The following TRIM22 variants were observed in gnomAD, a reference collection of about 807,000 sequenced individuals.
TRIM22 encodes the protein tripartite motif containing 22, also known as E3 ubiquitin-protein ligase TRIM22.
Under a neutral mutation model 53.6 loss-of-function variants are expected in TRIM22, and 45 were observed. That is an observed-to-expected ratio of 0.84 (90% CI 0.66 to 1.08). The LOEUF (loss-of-function observed/expected upper bound fraction) is 1.08. Among genes scored for constraint, TRIM22 ranks in the 50% least tolerant of loss-of-function variants. TRIM22 has a pLI of 0.00. For synonymous variants in TRIM22, 225 were observed against 216.6 expected (o/e 1.04, Z -0.34); for missense variants, 616 against 590.9 (o/e 1.04, Z -0.44).
At chr11:5,708,983 T>A in intron 7 of TRIM22, 70 bp from the exon 8 acceptor site, 1 of 1,212,922 alleles carries the variant, frequency 8.2e-7, no homozygotes, top group South Asian at 1.4e-5. Flanking sequence ...ATTTTCAATA[T>A]GTCTCTTCTC....
At chr11:5,691,875 G>A (rs1308881795) in intron 1 of TRIM22, among the ~76,000 whole-genome samples, 7 of 151,758 alleles carry the variant, frequency 4.6e-5, no homozygotes, top group East Asian at 1.9e-4. Context: ...TGTCTGTACC[G>A]CACATCTTGT....
intron 4 of TRIM22, among the ~76,000 whole-genome samples, chr11:5,699,353 T>C (rs1212275725): frequency 7.3e-6 from 1 of 137,382 alleles, no homozygotes; most frequent in Non-Finnish European, 1.5e-5. Flanking sequence ...TGAAACCCCG[T>C]CTCTACTAAA....
intron 5 of TRIM22, among the ~76,000 whole-genome samples, 177 bp downstream of exon 5, chr11:5,706,793 T>C (rs1019369215): frequency 6.6e-5 from 10 of 152,224 alleles, no homozygotes; most frequent in African/African-American, 1.9e-4. Context: ...AATTTTGGTG[T>C]TGGGAGATCA....
intron 2 of TRIM22, chr11:5,696,956 G>C (rs1853274601): frequency 2.0e-6 from 1 of 502,396 alleles, no homozygotes; most frequent in Non-Finnish European, 3.5e-6. Flanking sequence ...CGTCTGGTTA[G>C]ATGTGGGAAG....
rs1390710489 is a variant in TRIM22 at position 5,700,719 on chromosome 11, C to G, written c.750+2174C>G. ...GCACGATTTCGGCTCACTGCAAACT[C>G]TGCCTCCCGGGTTCAAGCGATTCTC... On this transcript the variant is annotated intron_variant, in intron 4 of 7. Coordinates refer to ENST00000379965, the MANE Select transcript of TRIM22 (RefSeq NM_006074.5). Among the ~76,000 whole-genome samples the G allele has an allele frequency of 1.1e-4, 17 of 150,308 alleles. No homozygotes were observed. The Admixed American group carries it at 1.1e-3, about 10-fold the overall frequency.
intron 1 of TRIM22, among the ~76,000 whole-genome samples, chr11:5,692,876 CTTTT>C (rs376485434): frequency 1.5e-5 from 2 of 132,918 alleles, no homozygotes; most frequent in Non-Finnish European, 3.1e-5. Context: ...TTAATTTAAT[CTTTT>C]TTTTTTTTTT....
In TRIM22 at chr11:5,709,359, C is replaced by G. The variant is rs1173249948; in HGVS notation, c.1208C>G (p.Pro403Arg). ...TCAAAAGTTTACTCCAGATATAGAC[C>G]TCAATATGGCTACTGGGTTATAGGA... Reference protein sequence around the residue: ...NYSKVYSRYRPQYGYWVIGLQ... With the variant: ...NYSKVYSRYRRQYGYWVIGLQ... Residue 403 changes from proline (P) to arginine (R), a missense_variant, in exon 8 of 8, where the codon CCT becomes CGT. By Grantham distance (103) the Pro-to-Arg change is moderately radical. Coordinates refer to ENST00000379965, the MANE Select transcript of TRIM22 (RefSeq NM_006074.5). The G allele has an allele frequency of 6.2e-7, 1 of 1,614,082 alleles. No homozygotes were observed. The highest frequency in any genetic ancestry group is 8.5e-7 in the Non-Finnish European group (1 of 1,180,032).
chr11:5,703,542 C>T (rs1423896201), intron 4 of TRIM22, among the ~76,000 whole-genome samples: 15 of 151,950 alleles, frequency 9.9e-5, no homozygotes, highest in African/African-American at 3.6e-4. Flanking sequence ...CCTGCAACCA[C>T]GCCCGGCTAA....
Position 5,709,847 on chromosome 11 carries a change from T to C in TRIM22, c.*199T>C, listed in dbSNP as rs1463565182. The C allele has an allele frequency of 3.5e-6, 2 of 571,446 alleles. No homozygotes were observed. Among genetic ancestry groups the C allele is most frequent in the Non-Finnish European group, 6.1e-6 (2 of 329,400 alleles). 35.4% of individuals were successfully genotyped at this position (571,446 alleles called of 1,614,324 possible). On this transcript the variant is annotated 3_prime_UTR_variant, in exon 8 of 8. Transcript: ENST00000379965. ...GATTTAAACTGTAATTGTATTGCCG[T>C]ACTGTGGGCTGGAAATCCCAAATCT...
chr11:5,693,721 C>CAAAAAAA, intron 1 of TRIM22, among the ~76,000 whole-genome samples: 133 of 87,332 alleles, frequency 1.5e-3, no homozygotes, highest in Middle Eastern at 7.6e-3. Flanking sequence ...GACTCCGTCT[C>CAAAAAAA]AAAAAAAAAA....
rs888997404 is a variant in TRIM22 at position 5,702,585 on chromosome 11, C to G, written c.751-4009C>G. On this transcript the variant is annotated intron_variant, in intron 4 of 7. Transcript: ENST00000379965. Reference sequence around the variant, plus strand: ...ACACTATACCCCTTCACATGTAGTGCAGGTACCTTAGAGCAGAGTATCCTC... The same window carrying G: ...ACACTATACCCCTTCACATGTAGTGGAGGTACCTTAGAGCAGAGTATCCTC... Among the ~76,000 whole-genome samples the G allele has an allele frequency of 2.6e-5, 4 of 151,898 alleles. No homozygotes were observed. In the South Asian group the frequency reaches 6.2e-4, roughly 24 times the overall value.
chr11:5,694,513 T>G lies in TRIM22; in HGVS notation c.-66-1654T>G, dbSNP rs148926776. 1.8e-3 allele frequency among the ~76,000 whole-genome samples: 273 copies of G among 152,314 alleles called. 1 individual carries two copies. Among genetic ancestry groups the G allele is most frequent in the African/African-American group, 6.0e-3 (248 of 41,568 alleles). On this transcript the variant is annotated intron_variant, in intron 1 of 7. Coordinates refer to ENST00000379965, the MANE Select transcript of TRIM22 (RefSeq NM_006074.5). Reference sequence around the variant, plus strand: ...ATAGCACTGGGTATCAGTATAGCTCTTGTAGCCTTTACCTTTGTTGTCTGT... The same window carrying G: ...ATAGCACTGGGTATCAGTATAGCTCGTGTAGCCTTTACCTTTGTTGTCTGT...
At position 5,710,411 on chromosome 11, in the gene TRIM22, T is replaced by C. The variant is rs1446148462; in HGVS notation, c.*763T>C. 1.3e-5 allele frequency: 2 copies of C among 152,222 alleles called. No individual in the cohort carries two copies. The highest frequency in any genetic ancestry group is 4.8e-5 in the African/African-American group (2 of 41,462). The allele number at this position is 152,222 out of a possible 1,614,324, so 9.4% of individuals were successfully genotyped here. A position where few individuals can be genotyped will look rare whatever the true frequency, so the allele number is the denominator to read the frequency against. On this transcript the variant is annotated 3_prime_UTR_variant, in exon 8 of 8. Transcript: ENST00000379965. ...GAAACTTGTCAACTCATATCCACGT[T>C]ATCTAGCAAAGTACATAAGAATCTA...
intron 4 of TRIM22, 188 bp from the exon 5 acceptor site, chr11:5,706,406 C>T (rs1853456957): frequency 4.9e-6 from 2 of 408,218 alleles, no homozygotes; most frequent in Non-Finnish European, 8.3e-6. Flanking sequence ...ATACAGGATG[C>T]TCAGTTAAAG....
intron 4 of TRIM22, among the ~76,000 whole-genome samples, chr11:5,703,425 A>AC (rs1341161354): frequency 6.7e-6 from 1 of 149,668 alleles, no homozygotes; most frequent in Non-Finnish European, 1.5e-5. Flanking sequence ...TTGCTCTGTC[A>AC]CCCAGGCTGG....
At chr11:5,700,082 A>C (rs780103894) in intron 4 of TRIM22, among the ~76,000 whole-genome samples, 2 of 151,386 alleles carry the variant, frequency 1.3e-5, no homozygotes, top group Non-Finnish European at 2.9e-5. Flanking sequence ...CTGAGAATAA[A>C]GTTAATTGTT....
At chr11:5,703,387 T>C (rs1029977878) in intron 4 of TRIM22, among the ~76,000 whole-genome samples, 4 of 98,556 alleles carry the variant, frequency 4.1e-5, no homozygotes, top group Non-Finnish European at 9.4e-5. Flanking sequence ...TTATTCTTTT[T>C]TTTTCTTTTT....
At chr11:5,706,665 T>C (rs757486760) in intron 5 of TRIM22, 49 bp downstream of exon 5, 10 of 1,554,784 alleles carry the variant, frequency 6.4e-6, no homozygotes, top group Non-Finnish European at 7.9e-6. Context: ...AAGAGAATTA[T>C]AGTCCTGAGA....
chr11:5,697,140 T>G, intron 2 of TRIM22, 108 bp from the exon 3 acceptor site: 1 of 765,576 alleles, frequency 1.3e-6, no homozygotes, highest in Non-Finnish European at 2.1e-6. Flanking sequence ...CCTCACTGTT[T>G]CTGTAAACTA....
Sources: gnomAD v4.1 joint callset for allele counts (sites outside exome capture counted in the v4.1 genomes callset) on GRCh38, gnomAD v4.1.1 for gene constraint, MANE v1.5 for transcripts, NCBI Gene and HGNC (gene_info 2026-07-23, HGNC 2026-07-21) for gene names.